The following TMEM131 variants were observed in gnomAD, a reference collection of about 807,000 sequenced individuals.
The protein encoded by TMEM131 is 2610524E03Rik.
In TMEM131, 66 loss-of-function variants were observed where a neutral mutation model predicts 211.6. The observed-to-expected ratio is 0.31, with a 90% CI of 0.26 to 0.38. The LOEUF (loss-of-function observed/expected upper bound fraction) is 0.38, where lower values mean the gene tolerates loss of function less well. TMEM131 is among the 10% of genes least tolerant of loss of function. The probability of loss-of-function intolerance (pLI) is 1.00; values close to 1 mark genes in which losing one functional copy is unlikely to be tolerated. For missense variants in TMEM131, 2,036 were observed against 2,299.3 expected (o/e 0.89, Z 2.34); for synonymous variants, 844 against 841.3 (o/e 1.00, Z -0.06).
chr2:97,773,636 A>G (rs1188475915), intron 32 of TMEM131, among the ~76,000 whole-genome samples: 1 of 148,792 alleles, frequency 6.7e-6, no homozygotes, highest in Non-Finnish European at 1.5e-5. Flanking sequence ...GTACACATCT[A>G]CTCATGTATT....
At chr2:97,818,336 T>A (rs903061389) in intron 12 of TMEM131, among the ~76,000 whole-genome samples, 19 of 152,102 alleles carry the variant, frequency 1.2e-4, no homozygotes, top group African/African-American at 4.1e-4. Flanking sequence ...TAGCCCAGAT[T>A]ATGGAAATGA....
chr2:97,762,499 AG>A (rs2104765100), intron 35 of TMEM131: 1 of 270,034 alleles, frequency 3.7e-6, no homozygotes, highest in African/African-American at 2.3e-5. Flanking sequence ...CACATCCTCC[AG>A]GGGTGGACAG....
chr2:97,940,958 G>T (rs570767117), intron 1 of TMEM131, among the ~76,000 whole-genome samples: 13 of 152,034 alleles, frequency 8.6e-5, no homozygotes, highest in Non-Finnish European at 1.6e-4. Flanking sequence ...TTCTTCACAG[G>T]ATTGGAAAAT....
intron 1 of TMEM131, among the ~76,000 whole-genome samples, chr2:97,952,186 G>T (rs1678353522): frequency 6.6e-6 from 1 of 151,496 alleles, no homozygotes; most frequent in African/African-American, 2.4e-5. Flanking sequence ...TGTTCAGTCT[G>T]AACAGCTGCA....
At chr2:97,964,325 C>T (rs1179216347) in intron 1 of TMEM131, among the ~76,000 whole-genome samples, 1 of 152,200 alleles carries the variant, frequency 6.6e-6, no homozygotes, top group Non-Finnish European at 1.5e-5. Context: ...TCTCTGTTTC[C>T]TTGCAATTTT....
At chr2:97,902,145 A>G (rs1469270115) in intron 3 of TMEM131, among the ~76,000 whole-genome samples, 1 of 152,156 alleles carries the variant, frequency 6.6e-6, no homozygotes, top group African/African-American at 2.4e-5. Flanking sequence ...AAACAAATAA[A>G]CTAAACTTCA....
intron 4 of TMEM131, among the ~76,000 whole-genome samples, chr2:97,872,947 T>C (rs1195396185): frequency 3.3e-5 from 5 of 152,146 alleles, no homozygotes; most frequent in Non-Finnish European, 7.3e-5. Context: ...GTGGCCTGGC[T>C]CAGTGGGTCC....
chr2:97,995,241 A>T (rs1442694868), intron 1 of TMEM131, among the ~76,000 whole-genome samples: 2 of 152,370 alleles, frequency 1.3e-5, no homozygotes, highest in East Asian at 3.9e-4. Flanking sequence ...ACGAGAAGTC[A>T]GGAAGTTTTG....
intron 1 of TMEM131, among the ~76,000 whole-genome samples, chr2:97,929,451 G>A (rs576226558): frequency 3.3e-5 from 5 of 151,838 alleles, no homozygotes; most frequent in South Asian, 2.1e-4. Flanking sequence ...CCCATTTGTT[G>A]GTCTTTTGGA....
chr2:97,818,052 T>C (rs1012688045), intron 12 of TMEM131, among the ~76,000 whole-genome samples: 4 of 152,164 alleles, frequency 2.6e-5, no homozygotes, highest in African/African-American at 9.7e-5. Flanking sequence ...AATAAAAACA[T>C]GCTATAAAAA....
At chr2:97,850,094 C>T (rs62154553) in intron 5 of TMEM131, among the ~76,000 whole-genome samples, 8,022 of 150,952 alleles carry the variant, frequency 0.053, 308 homozygotes, top group Middle Eastern at 0.11. Context: ...GAGGACTCTC[C>T]GGCAGTATGA....
chr2:97,867,262 T>A (rs186696601), intron 4 of TMEM131, among the ~76,000 whole-genome samples: 77 of 152,322 alleles, frequency 5.1e-4, no homozygotes, highest in African/African-American at 1.7e-3. Context: ...GTATAGCCAT[T>A]ATTGAAAATG....
At chr2:97,761,506 G>A (rs1678849272) in intron 36 of TMEM131, 1 of 158,712 alleles carries the variant, frequency 6.3e-6, no homozygotes, top group African/African-American at 2.4e-5. Context: ...ACACGAGTGA[G>A]GCTCCGTGCC....
chr2:97,909,749 G>T (rs1010951244), intron 2 of TMEM131, among the ~76,000 whole-genome samples: 1 of 152,172 alleles, frequency 6.6e-6, no homozygotes, highest in African/African-American at 2.4e-5. Flanking sequence ...TAGGTAAAGT[G>T]TAAGGGTGTC....
At chr2:97,822,115 G>A (rs1205064342) in intron 11 of TMEM131, among the ~76,000 whole-genome samples, 2 of 152,108 alleles carry the variant, frequency 1.3e-5, no homozygotes, top group Admixed American at 6.5e-5. Flanking sequence ...GGATAGTTCC[G>A]CTTCTAAAAA....
chr2:97,843,183 G>T (rs555750855), intron 6 of TMEM131, among the ~76,000 whole-genome samples: 92 of 152,068 alleles, frequency 6.0e-4, no homozygotes, highest in African/African-American at 2.1e-3. Context: ...ACAAAGACAT[G>T]AGTTTGAGTC....
chr2:97,866,368 A>C (rs567953939), intron 4 of TMEM131, among the ~76,000 whole-genome samples: 1 of 152,338 alleles, frequency 6.6e-6, no homozygotes, highest in South Asian at 2.1e-4. Context: ...CTTTCTATAA[A>C]GTTGACAGTA....
chr2:97,983,387 GTCTCTTCGGGTCTCTTCAGT>G (rs1398558539), intron 1 of TMEM131, among the ~76,000 whole-genome samples: 1 of 152,112 alleles, frequency 6.6e-6, no homozygotes, highest in Non-Finnish European at 1.5e-5. Context: ...AGTTTTTCAG[GTCTCTTCGGGTCTCTTCAGT>G]TCTCTTCAGG....
rs1573459739 is a variant in TMEM131, at chr2:97,851,975, G to A, written c.483+7329C>T. On this transcript the variant is annotated intron_variant, in intron 5 of 40. Coordinates refer to ENST00000186436, the MANE Select transcript of TMEM131 (RefSeq NM_015348.2). ...GAGGAAGACATGCTCAAAGCCAAGA[G>A]AGGCTCAAAGCTAGGCCTTTAGTGC... Among the ~76,000 whole-genome samples the A allele has an allele frequency of 4.6e-5, 7 of 152,326 alleles. 1 individual carries two copies. Among genetic ancestry groups the A allele is most frequent in the Admixed American group, 4.6e-4 (7 of 15,302 alleles).
Sources: allele counts gnomAD v4.1 joint callset (sites outside exome capture counted in the v4.1 genomes callset), GRCh38; gene constraint gnomAD v4.1.1; transcripts MANE v1.5; gene names NCBI Gene and HGNC (gene_info 2026-07-23, HGNC 2026-07-21).